Variants in STRN4 observed in about 807,000 individuals in gnomAD.
STRN4 encodes the protein striatin 4, also known as striatin-4.
A neutral mutation model predicts 77.9 loss-of-function variants in STRN4; 27 were observed. That is an observed-to-expected ratio of 0.35 (90% CI 0.26 to 0.48). STRN4 has a LOEUF of 0.48. Among genes scored for constraint, STRN4 ranks in the 20% least tolerant of loss-of-function variants. STRN4 has a pLI of 0.99. For synonymous variants in STRN4, 466 were observed against 443.1 expected (o/e 1.05, Z -0.65); for missense variants, 798 against 1,049.7 (o/e 0.76, Z 3.31).
chr19:46,722,029 G>C lies in STRN4; in HGVS notation c.2049C>G (p.Thr683=). 1 of 1,613,652 alleles carries C rather than the reference G, an allele frequency of 6.2e-7. No individual in the cohort carries two copies. Among genetic ancestry groups the C allele is most frequent in the Non-Finnish European group, 8.5e-7 (1 of 1,180,028 alleles). ...CGCCGTTGGGGTCCACGGCTAGGCAGGTGACTGCGTCCAGGTGTGCAACCA... is the reference window on the plus strand; with the variant it reads ...CGCCGTTGGGGTCCACGGCTAGGCACGTGACTGCGTCCAGGTGTGCAACCA... ...HSMVAHLDAV[T]CLAVDPNGAF... The change falls in exon 16 of 18, where the codon ACC becomes ACG. Residue 683 remains threonine, a synonymous_variant. Transcript: ENST00000263280.
intron 5 of STRN4, chr19:46,732,824 G>A (rs2054282575): frequency 6.9e-6 from 4 of 580,944 alleles, no homozygotes; most frequent in Non-Finnish European, 1.2e-5. Context: ...GGCTGGAGAT[G>A]AGGCCATGGC....
At chr19:46,722,381 A>G (rs1239131349) in intron 14 of STRN4, 41 bp from the exon 15 acceptor site, 2 of 1,593,092 alleles carry the variant, frequency 1.3e-6, no homozygotes, top group Non-Finnish European at 1.7e-6. Context: ...GTCAAGCAGA[A>G]AATCAGGAAG....
At chr19:46,737,018 A>C (rs1222436339) in intron 3 of STRN4, 117 bp from the exon 4 acceptor site, 2 of 910,440 alleles carry the variant, frequency 2.2e-6, no homozygotes, top group Non-Finnish European at 3.4e-6. Flanking sequence ...GTCCTGTGGC[A>C]TCACTTCCTG....
chr19:46,722,067 G>C lies in STRN4; in HGVS notation c.2011C>G (p.Pro671Ala), dbSNP rs2122222102. Residue 671 changes from proline to alanine, a missense_variant, in exon 16 of 18, where the codon CCG (proline) becomes GCG (alanine). By Grantham distance (27) the Pro-to-Ala change is conservative. Around this residue, in one of 2 missense-constraint regions of STRN4, gnomAD observed 287 missense variants for 473.8 expected, o/e 0.61. Coordinates refer to ENST00000263280, the MANE Select transcript of STRN4 (RefSeq NM_013403.3). ...IRFLDNRTGKPVHSMVAHLDA... is the reference protein window; with the variant it reads ...IRFLDNRTGKAVHSMVAHLDA... ...AGGTGTGCAACCATGGAGTGCACCG[G>C]CTTACCTGAGGCGAGAAGGGCGGGT... 6.2e-7 allele frequency: 1 copy of C among 1,612,790 alleles called. No individual in the cohort carries two copies. Among genetic ancestry groups the C allele is most frequent in the Non-Finnish European group, 8.5e-7 (1 of 1,180,012 alleles).
In STRN4 at chr19:46,738,864, C is replaced by G; in HGVS notation, c.307G>C (p.Glu103Gln). ...TTTAGATTCTCCTGCCCTTTCCTCT[C>G]TCCCTGAAGGAAGGCCACCTGAGCC... is the stretch of plus-strand genomic sequence containing the variant. The part of the protein sequence containing the change: ...LQAQVAFLQG[E>Q]RKGQENLKTD... Residue 103 changes from glutamate (E) to glutamine (Q), a missense_variant, in exon 2 of 18, where the codon GAG (glutamate) becomes CAG (glutamine). By Grantham distance (29) the Glu-to-Gln change is conservative. Transcript: ENST00000263280. The surrounding 1 kb of genome is among the most constrained non-coding windows in gnomAD (Gnocchi z 4.5). 2 of 1,614,122 alleles carry G rather than the reference C, an allele frequency of 1.2e-6. No homozygotes were observed. The highest frequency in any genetic ancestry group is 1.7e-6 in the Non-Finnish European group (2 of 1,180,034).
intron 5 of STRN4, among the ~76,000 whole-genome samples, chr19:46,731,285 G>A (rs2054244531): frequency 1.3e-5 from 2 of 152,208 alleles, no homozygotes; most frequent in Non-Finnish European, 2.9e-5. Context: ...CTGCAGGAAA[G>A]AGGAACCGGC....
In STRN4 at chr19:46,722,940, G is replaced by C. The variant is rs1423014130; in HGVS notation, c.1776C>G (p.Val592=). 6.2e-7 allele frequency: 1 copy of C among 1,613,768 alleles called. No homozygotes were observed. Among genetic ancestry groups the C allele is most frequent in the African/African-American group, 1.3e-5 (1 of 74,952 alleles). ...TGCTGGTGAAGGCCACTGAGGTGGG[G>C]ACCCCGTGCTCTGAGGGCACAGGGA... The part of the protein sequence containing the change: ...CTFPTASEHG[V]PTSVAFTSTE... Residue 592 remains valine (V), a synonymous_variant, in exon 14 of 18, where the codon GTC becomes GTG. Transcript: ENST00000263280.
chr19:46,720,286 T>C lies in STRN4; in HGVS notation c.*119A>G, dbSNP rs313840. 190,997 of 255,204 alleles carry C rather than the reference T, an allele frequency of 0.75. 72,346 individuals carry two copies. Among genetic ancestry groups the C allele is most frequent in the African/African-American group, 0.89 (40,431 of 45,266 alleles). The allele number at this position is 255,204 out of a possible 1,614,324, so 15.8% of individuals were successfully genotyped here. A position where few individuals can be genotyped will look rare whatever the true frequency, so the allele number is the denominator to read the frequency against. ...GGGCCGTTAGCACCACCAGGCTCCA[T>C]GGCAAACAGACAGAGGCCAGGCCTC... On this transcript the variant is annotated 3_prime_UTR_variant, in exon 18 of 18. Transcript: ENST00000263280.
Position 46,724,736 on chromosome 19 carries a change from C to CGTGTGT in STRN4, c.1594+65_1594+70dup. 6.2e-6 allele frequency: 10 copies of CGTGTGT among 1,604,986 alleles called. No individual in the cohort carries two copies. The South Asian group carries it at 8.9e-5, about 14-fold the overall frequency. On this transcript the variant is annotated intron_variant, in intron 12 of 17. Transcript: ENST00000263280. The stretch of plus-strand genomic sequence containing the variant: ...CAGTGTTGGCAAGAGGTGGACGCGA[C>CGTGTGT]GTGTGTGTGCGTGGAGGGGACGGCC...
chr19:46,736,116 A>C (rs1476468764), intron 4 of STRN4: 7 of 151,858 alleles, frequency 4.6e-5, no homozygotes, highest in Non-Finnish European at 1.0e-4. Flanking sequence ...TCTACTAAAA[A>C]ATACAAAAAT....
At chr19:46,728,069 G>C in intron 7 of STRN4, 62 bp from the exon 8 acceptor site, 1 of 1,476,850 alleles carries the variant, frequency 6.8e-7, no homozygotes, top group Non-Finnish European at 9.3e-7. Flanking sequence ...TGGCATAGGT[G>C]ACGCCTTCCC....
rs139670011 is a variant in STRN4, at chr19:46,721,175, G to A, written c.2093-404C>T. ...GAGCCTTCCAGGCAGAAGGACAGGC[G>A]GGAAAGGTCCTGAGGCAGGAGGTGG... On this transcript the variant is annotated intron_variant, in intron 16 of 17. Coordinates refer to ENST00000263280, the MANE Select transcript of STRN4 (RefSeq NM_013403.3). 2.3e-4 allele frequency: 37 copies of A among 163,020 alleles called. 1 individual carries two copies. The East Asian group carries it at 5.2e-3, about 23-fold the overall frequency. The allele number at this position is 163,020 out of a possible 1,614,324, so 10.1% of individuals were successfully genotyped here.
chr19:46,734,982 A>C (rs73565197), intron 4 of STRN4, among the ~76,000 whole-genome samples: 1,767 of 152,194 alleles, frequency 0.012, 31 homozygotes, highest in African/African-American at 0.04. Flanking sequence ...CAACTCTTTA[A>C]CAGTGAAAAC....
intron 12 of STRN4, 24 bp downstream of exon 12, chr19:46,724,783 G>A (rs1050887159): frequency 1.2e-6 from 2 of 1,613,758 alleles, no homozygotes; most frequent in African/African-American, 2.7e-5. Flanking sequence ...GATGTGAGGG[G>A]AAGGCGGGAG....
chr19:46,728,912 T>A, intron 6 of STRN4, 135 bp from the exon 7 acceptor site: 1 of 1,330,156 alleles, frequency 7.5e-7, no homozygotes, highest in South Asian at 1.4e-5. Flanking sequence ...GCCAGCCAGC[T>A]GCCCTGGAGC....
At position 46,727,552 on chromosome 19, in the gene STRN4, G is replaced by A; in HGVS notation, c.1154-6C>T. 6.2e-7 allele frequency: 1 copy of A among 1,613,846 alleles called. No individual in the cohort carries two copies. Among genetic ancestry groups the A allele is most frequent in the South Asian group, 1.1e-5 (1 of 91,054 alleles). ...AGTGTCCATGATGAAGACGTCTGAG[G>A]AGAAGCCAAAGGAACCTGGTAGGGG... is the stretch of plus-strand genomic sequence containing the variant. On this transcript the variant is annotated splice_region_variant and splice_polypyrimidine_tract_variant and intron_variant, in intron 8 of 17. Coordinates refer to ENST00000263280, the MANE Select transcript of STRN4 (RefSeq NM_013403.3).
chr19:46,738,522 G>A lies in STRN4; in HGVS notation c.386+263C>T, dbSNP rs956081740. ...AACAATACCCGTTAGGCTATTGGAA[G>A]GTATAAGGGATAACGGAGGTAAGGA... On this transcript the variant is annotated intron_variant, in intron 2 of 17. Coordinates refer to ENST00000263280, the MANE Select transcript of STRN4 (RefSeq NM_013403.3). The surrounding 1 kb of genome is among the most constrained non-coding windows in gnomAD (Gnocchi z 4.5). Among the ~76,000 whole-genome samples the A allele has an allele frequency of 2.0e-5, 3 of 152,228 alleles. No individual in the cohort carries two copies. The highest frequency in any genetic ancestry group is 4.8e-5 in the African/African-American group (2 of 41,464).
At chr19:46,742,395 A>G (rs2054490483) in intron 1 of STRN4, among the ~76,000 whole-genome samples, 1 of 152,070 alleles carries the variant, frequency 6.6e-6, no homozygotes, top group Non-Finnish European at 1.5e-5. Flanking sequence ...AAAGTTATTC[A>G]GAGTCCATCA....
chr19:46,744,193 G>A (rs1291315163), intron 1 of STRN4, among the ~76,000 whole-genome samples: 1 of 152,166 alleles, frequency 6.6e-6, no homozygotes, highest in African/African-American at 2.4e-5. Flanking sequence ...TAATGACACT[G>A]CCTCTGCCTA....
Sources: allele counts gnomAD v4.1 joint callset (sites outside exome capture counted in the v4.1 genomes callset), GRCh38; gene constraint gnomAD v4.1.1; regional missense constraint gnomAD v4.1.1; non-coding constraint Gnocchi (gnomAD v3.1); transcripts MANE v1.5; gene names NCBI Gene and HGNC (gene_info 2026-07-23, HGNC 2026-07-21).